Variants in MPP7 observed in about 807,000 individuals in gnomAD.
MPP7 encodes MAGUK p55 scaffold protein 7, also known as MAGUK p55 subfamily member 7.
MPP7 carries 60 observed loss-of-function variants against 76.5 expected under a neutral mutation model. The ratio of observed to expected loss-of-function variants is 0.78; its 90% CI spans 0.64 to 0.97. MPP7 has a LOEUF of 0.97. MPP7 is among the 50% of genes least tolerant of loss of function. The pLI is 0.00. For synonymous variants in MPP7, 237 were observed against 244.5 expected, an observed-to-expected ratio of 0.97 and a Z score of 0.29; for missense variants, 641 against 694.0, an observed-to-expected ratio of 0.92 and a Z score of 0.86.
intron 2 of MPP7, among the ~76,000 whole-genome samples, chr10:28,206,751 T>C (rs1222020335): frequency 6.6e-6 from 1 of 152,194 alleles, no homozygotes; most frequent in Non-Finnish European, 1.5e-5. Context: ...ATGGGAAATC[T>C]ACATAAAACT....
intron 12 of MPP7, among the ~76,000 whole-genome samples, chr10:28,074,521 T>G (rs989714251): frequency 5.3e-5 from 8 of 152,158 alleles, no homozygotes; most frequent in African/African-American, 1.7e-4. Flanking sequence ...GGTCTCAAAC[T>G]CCTGGCCTCA....
At chr10:28,211,041 G>A (rs550662101) in intron 2 of MPP7, among the ~76,000 whole-genome samples, 10 of 152,008 alleles carry the variant, frequency 6.6e-5, no homozygotes, top group Admixed American at 2.6e-4. Flanking sequence ...ATAATATGCC[G>A]TGATCATCTT....
At chr10:28,186,261 G>A (rs546125385) in intron 3 of MPP7, among the ~76,000 whole-genome samples, 3 of 151,626 alleles carry the variant, frequency 2.0e-5, no homozygotes, top group Admixed American at 2.0e-4. Flanking sequence ...CAGGAGAATC[G>A]CTTGAACCCA....
At chr10:28,176,018 A>C (rs1321746624) in intron 3 of MPP7, among the ~76,000 whole-genome samples, 1 of 152,202 alleles carries the variant, frequency 6.6e-6, no homozygotes, top group Non-Finnish European at 1.5e-5. Context: ...ATGTAAAGTA[A>C]ATAAGTTCAT....
rs2257211 is a variant in MPP7 at position 28,058,050 on chromosome 10, G to A, written c.1407+445C>T. On this transcript the variant is annotated intron_variant, in intron 15 of 16. Transcript: ENST00000683449. ...CTGCAAAATGCCCTTCAGTTCTAGT[G>A]GGGGGTTATTTGCTAGGATATATAC... 9.0e-3 allele frequency among the ~76,000 whole-genome samples: 1,377 copies of A among 152,248 alleles called. 7 individuals carry two copies. Among genetic ancestry groups the A allele is most frequent in the Non-Finnish European group, 0.015 (1,047 of 68,018 alleles).
At chr10:28,258,407 AAT>A in intron 1 of MPP7, among the ~76,000 whole-genome samples, 1 of 131,576 alleles carries the variant, frequency 7.6e-6, no homozygotes, top group East Asian at 2.2e-4. Flanking sequence ...TATATATATA[AAT>A]TTTTTTTTGA....
chr10:28,063,480 CA>C (rs1851874709), intron 13 of MPP7, among the ~76,000 whole-genome samples: 1 of 149,834 alleles, frequency 6.7e-6, no homozygotes, highest in Admixed American at 6.7e-5. Flanking sequence ...AAAAAAAAGT[CA>C]AAAGATTTGA....
At chr10:28,322,800 A>C (rs2133185342) in intron 2 of MPP7, among the ~76,000 whole-genome samples, 1 of 152,292 alleles carries the variant, frequency 6.6e-6, no homozygotes, top group African/African-American at 2.4e-5. Context: ...ATTTGTGTTA[A>C]ATTATTGATA....
At chr10:28,099,819 A>T (rs1035940170) in intron 11 of MPP7, among the ~76,000 whole-genome samples, 12 of 152,192 alleles carry the variant, frequency 7.9e-5, no homozygotes, top group African/African-American at 2.9e-4. Flanking sequence ...CAAAAAAAAA[A>T]ATAAATAAAA....
At chr10:28,294,612 T>G (rs1840998566) in intron 1 of MPP7, among the ~76,000 whole-genome samples, 1 of 152,212 alleles carries the variant, frequency 6.6e-6, no homozygotes, top group Admixed American at 6.5e-5. Context: ...CCTTAAAAAG[T>G]AATTGAGTAA....
chr10:28,123,632 C>G (rs1406617020), intron 8 of MPP7, among the ~76,000 whole-genome samples: 3 of 151,818 alleles, frequency 2.0e-5, no homozygotes. Flanking sequence ...CCACGTGCAG[C>G]TAATTTTGTT....
At chr10:28,192,851 C>A (rs546747132) in intron 3 of MPP7, among the ~76,000 whole-genome samples, 19 of 152,294 alleles carry the variant, frequency 1.2e-4, no homozygotes, top group African/African-American at 4.6e-4. Context: ...AGGGCTGACG[C>A]TACCCTACTT....
At chr10:28,073,755 T>A (rs1380629753) in intron 12 of MPP7, among the ~76,000 whole-genome samples, 1 of 151,726 alleles carries the variant, frequency 6.6e-6, no homozygotes, top group Admixed American at 6.6e-5. Context: ...GGTGACAGAG[T>A]GAGACTGCAT....
At chr10:28,195,620 C>T (rs1306912671) in intron 3 of MPP7, among the ~76,000 whole-genome samples, 3 of 152,078 alleles carry the variant, frequency 2.0e-5, no homozygotes, top group Non-Finnish European at 4.4e-5. Context: ...AGCTAAGTGA[C>T]AGAAGTCAGT....
chr10:28,133,984 CG>C (rs1438754685), intron 5 of MPP7, among the ~76,000 whole-genome samples: 4 of 151,950 alleles, frequency 2.6e-5, no homozygotes, highest in African/African-American at 9.7e-5. Flanking sequence ...GGTTGTTTTC[CG>C]TTCTTGGCTA....
intron 11 of MPP7, among the ~76,000 whole-genome samples, chr10:28,099,325 T>C (rs942073883): frequency 6.6e-6 from 1 of 152,230 alleles, no homozygotes; most frequent in Non-Finnish European, 1.5e-5. Context: ...ACAGTTTAGA[T>C]CTTTGATTAT....
chr10:28,089,307 A>T (rs1166261206), intron 12 of MPP7, among the ~76,000 whole-genome samples: 1 of 152,180 alleles, frequency 6.6e-6, no homozygotes, highest in East Asian at 1.9e-4. Context: ...TCTAAATGCC[A>T]TCTGAAGCTT....
At chr10:28,324,377 G>A (rs1433451073) in intron 2 of MPP7, among the ~76,000 whole-genome samples, 1 of 152,190 alleles carries the variant, frequency 6.6e-6, no homozygotes, top group Non-Finnish European at 1.5e-5. Context: ...CCCAGGCTAT[G>A]ATGTTTTGTT....
chr10:28,094,443 A>G (rs1455815003), intron 11 of MPP7, among the ~76,000 whole-genome samples: 2 of 152,188 alleles, frequency 1.3e-5, no homozygotes, highest in African/African-American at 4.8e-5. Context: ...AGATTATAGT[A>G]GTAGCTGCCT....
Sources: allele counts gnomAD v4.1 joint callset (sites outside exome capture counted in the v4.1 genomes callset), GRCh38; gene constraint gnomAD v4.1.1; transcripts MANE v1.5; gene names NCBI Gene and HGNC (gene_info 2026-07-23, HGNC 2026-07-21).